Variants in CLPB observed in about 807,000 individuals in gnomAD.
CLPB encodes the protein mitochondrial disaggregase.
In CLPB, 40 loss-of-function variants were observed where a neutral mutation model predicts 78.4. The ratio of observed to expected loss-of-function variants is 0.51; its 90% CI spans 0.40 to 0.66. CLPB has a LOEUF of 0.66. CLPB is among the 30% of genes least tolerant of loss of function. The pLI, the probability that CLPB is intolerant of heterozygous loss-of-function variation, is 0.00. For missense variants in CLPB, 780 were observed against 886.9 expected, an observed-to-expected ratio of 0.88 and a Z score of 1.53; for synonymous variants, 333 against 348.0, an observed-to-expected ratio of 0.96 and a Z score of 0.48.
chr11:72,408,835 A>C (rs1374521264), intron 2 of CLPB, among the ~76,000 whole-genome samples: 1 of 152,176 alleles, frequency 6.6e-6, no homozygotes, highest in African/African-American at 2.4e-5. Context: ...GTTGCTCTGC[A>C]AGTGAATGCA....
At chr11:72,300,012 C>T (rs1002782352) in intron 11 of CLPB, among the ~76,000 whole-genome samples, 4 of 152,178 alleles carry the variant, frequency 2.6e-5, no homozygotes, top group Non-Finnish European at 4.4e-5. Flanking sequence ...AAACAGGCCG[C>T]GATGCTCACC....
chr11:72,288,697 A>C lies in CLPB; in HGVS notation c.*4670T>G, dbSNP rs73528860. 0.068 allele frequency: 10,352 copies of C among 152,246 alleles called. 549 individuals are homozygous for C. The highest frequency in any genetic ancestry group is 0.13 in the African/African-American group (5,577 of 41,508). 9.4% of individuals were successfully genotyped at this position (152,246 alleles called of 1,614,324 possible). A position where few individuals can be genotyped will look rare whatever the true frequency, so the allele number is the denominator to read the frequency against. ...ATAATAATAAAGGAACATCTGTCAT[A>C]TGCCTGCACTGTGCCAGGTTCTGTG... On this transcript the variant is annotated 3_prime_UTR_variant, in exon 16 of 16. Transcript: ENST00000538039.
At chr11:72,416,229 T>A (rs756075076) in intron 2 of CLPB, among the ~76,000 whole-genome samples, 4 of 152,188 alleles carry the variant, frequency 2.6e-5, no homozygotes, top group Non-Finnish European at 5.9e-5. Context: ...CCAGAAAGTC[T>A]TTCTGCAAAG....
chr11:72,308,756 T>G (rs943484347), intron 7 of CLPB, 152 bp from the exon 8 acceptor site: 1 of 723,010 alleles, frequency 1.4e-6, no homozygotes, highest in Non-Finnish European at 2.4e-6. Flanking sequence ...CCTAATCTGA[T>G]TAGCTGGCAA....
At position 72,312,095 on chromosome 11, in the gene CLPB, C is replaced by T. The variant is rs1364838881; in HGVS notation, c.989-3491G>A. Among the ~76,000 whole-genome samples, 1 of 152,196 alleles carries T rather than the reference C, an allele frequency of 6.6e-6. No individual in the cohort carries two copies. Among genetic ancestry groups the T allele is most frequent in the Non-Finnish European group, 1.5e-5 (1 of 68,032 alleles). On this transcript the variant is annotated intron_variant, in intron 7 of 15. Transcript: ENST00000538039. This position sits in a 1 kb window ranked among gnomAD's most constrained non-coding sequence, Gnocchi z 4.2. ...GAGTCCCGCCTCTGTCACTTACCAG[C>T]TGACTGACTTTAAATAAAACACTTA... is the stretch of plus-strand genomic sequence containing the variant.
chr11:72,430,187 T>C, intron 2 of CLPB, 125 bp downstream of exon 2: 1 of 863,524 alleles, frequency 1.2e-6, no homozygotes, highest in Non-Finnish European at 1.9e-6. Context: ...ACTACAGAGA[T>C]GTCACAGGGG....
At chr11:72,398,430 G>A (rs1855470248) in intron 3 of CLPB, among the ~76,000 whole-genome samples, 1 of 152,184 alleles carries the variant, frequency 6.6e-6, no homozygotes. Flanking sequence ...TTAATCCTGT[G>A]TTTTCCCAAG....
intron 3 of CLPB, among the ~76,000 whole-genome samples, chr11:72,392,069 A>T (rs1379329167): frequency 6.6e-6 from 1 of 152,064 alleles, no homozygotes; most frequent in Non-Finnish European, 1.5e-5. Flanking sequence ...GTGTTGGGCC[A>T]GGCGCGTGTC....
chr11:72,310,829 C>G (rs1949832439), intron 7 of CLPB: 1 of 152,022 alleles, frequency 6.6e-6, no homozygotes, highest in Non-Finnish European at 1.5e-5. Flanking sequence ...AGGTAGCATC[C>G]CAGCCCACAG....
chr11:72,349,078 TA>T (rs1237712016), intron 5 of CLPB, among the ~76,000 whole-genome samples: 1 of 152,238 alleles, frequency 6.6e-6, no homozygotes, highest in South Asian at 2.1e-4. Flanking sequence ...AGTTGCTGAA[TA>T]AATAAATACT....
intron 6 of CLPB, among the ~76,000 whole-genome samples, chr11:72,318,168 C>G (rs1590787691): frequency 2.0e-5 from 3 of 152,196 alleles, no homozygotes; most frequent in Non-Finnish European, 4.4e-5. Context: ...TGACTCACTG[C>G]TATTTCTAGC....
At chr11:72,387,492 A>T (rs528992228) in intron 3 of CLPB, among the ~76,000 whole-genome samples, 1 of 150,684 alleles carries the variant, frequency 6.6e-6, no homozygotes, top group African/African-American at 2.5e-5. Flanking sequence ...TTTTATAACA[A>T]GCACAGAGAG....
At chr11:72,432,449 T>A (rs1344030026) in intron 1 of CLPB, among the ~76,000 whole-genome samples, 1 of 152,160 alleles carries the variant, frequency 6.6e-6, no homozygotes, top group Non-Finnish European at 1.5e-5. Context: ...CTCTGGGGTC[T>A]CCAATACTCC....
chr11:72,389,281 C>T (rs540844279), intron 3 of CLPB, among the ~76,000 whole-genome samples: 2 of 152,314 alleles, frequency 1.3e-5, no homozygotes, highest in East Asian at 3.9e-4. Flanking sequence ...GGCTGATATA[C>T]AGAACACAGA....
intron 6 of CLPB, among the ~76,000 whole-genome samples, chr11:72,318,788 G>A (rs1402066094): frequency 6.6e-6 from 1 of 152,190 alleles, no homozygotes; most frequent in East Asian, 1.9e-4. Context: ...CAATCCCAGT[G>A]GAGTGACACT....
At chr11:72,379,314 A>G (rs1854825248) in intron 4 of CLPB, among the ~76,000 whole-genome samples, 1 of 152,094 alleles carries the variant, frequency 6.6e-6, no homozygotes. Flanking sequence ...CAGCCACCCT[A>G]TTGCTGGCAA....
intron 7 of CLPB, among the ~76,000 whole-genome samples, chr11:72,310,222 C>T (rs1949820702): frequency 6.6e-6 from 1 of 152,208 alleles, no homozygotes; most frequent in Non-Finnish European, 1.5e-5. Flanking sequence ...TTTCTCTCTA[C>T]TTCTGGCCTC....
chr11:72,410,704 A>T (rs968980981), intron 2 of CLPB: 2 of 152,226 alleles, frequency 1.3e-5, no homozygotes, highest in African/African-American at 4.8e-5. Context: ...AAGGTTCCCT[A>T]GCCCAAGAGC....
chr11:72,394,065 A>T (rs867884478), intron 3 of CLPB, among the ~76,000 whole-genome samples: 1 of 152,182 alleles, frequency 6.6e-6, no homozygotes, highest in Admixed American at 6.5e-5. Context: ...ATAAACAATG[A>T]ACCAGGTCAT....
Sources: allele counts gnomAD v4.1 joint callset (sites outside exome capture counted in the v4.1 genomes callset), GRCh38; gene constraint gnomAD v4.1.1; non-coding constraint Gnocchi (gnomAD v3.1); transcripts MANE v1.5; gene names NCBI Gene and HGNC (gene_info 2026-07-23, HGNC 2026-07-21).